Variants in CDADC1 observed in about 807,000 individuals in gnomAD.
CDADC1 encodes cytidine and dCMP deaminase domain containing 1.
Under a neutral mutation model 54.9 loss-of-function variants are expected in CDADC1, and 39 were observed. The observed-to-expected ratio is 0.71, with a 90% CI of 0.55 to 0.93. CDADC1 has a LOEUF of 0.93. Among genes scored for constraint, CDADC1 ranks in the 40% least tolerant of loss-of-function variants. The probability of loss-of-function intolerance (pLI) is 0.00; values close to 1 mark genes in which losing one functional copy is unlikely to be tolerated. For synonymous variants in CDADC1, 186 were observed against 204.0 expected (o/e 0.91, Z 0.75); for missense variants, 518 against 618.8 (o/e 0.84, Z 1.73).
chr13:49,258,872 T>A (rs1479047071), intron 3 of CDADC1, among the ~76,000 whole-genome samples: 1 of 152,246 alleles, frequency 6.6e-6, no homozygotes, highest in African/African-American at 2.4e-5. Context: ...GAATTTAAGA[T>A]GACCTCTGCT....
intron 6 of CDADC1, among the ~76,000 whole-genome samples, chr13:49,274,830 G>T (rs555211651): frequency 6.6e-6 from 1 of 152,274 alleles, no homozygotes; most frequent in East Asian, 1.9e-4. Context: ...GAATGCTGGG[G>T]ATTAAAGATC....
At chr13:49,256,493 G>T (rs9526533) in intron 3 of CDADC1, among the ~76,000 whole-genome samples, 4 of 152,064 alleles carry the variant, frequency 2.6e-5, no homozygotes, top group Non-Finnish European at 4.4e-5. Context: ...CATACTGACT[G>T]CTGTGCTGCA....
intron 5 of CDADC1, among the ~76,000 whole-genome samples, chr13:49,269,745 A>G (rs984842242): frequency 6.6e-6 from 1 of 152,236 alleles, no homozygotes; most frequent in African/African-American, 2.4e-5. Flanking sequence ...GGCGATGTGA[A>G]TCTGCTATTT....
At chr13:49,272,738 A>C (rs1041337238) in intron 5 of CDADC1, among the ~76,000 whole-genome samples, 21 of 150,404 alleles carry the variant, frequency 1.4e-4, no homozygotes, top group African/African-American at 5.1e-4. Context: ...ACTCACTGCA[A>C]CCTCCGCCTC....
rs1163125791 is a variant in CDADC1 at position 49,275,726 on chromosome 13, TAGAGAGAG to T, written c.1050+1449_1050+1456del. 7.3e-3 allele frequency among the ~76,000 whole-genome samples: 130 copies of T among 17,782 alleles called. 2 individuals carry two copies. The highest frequency in any genetic ancestry group is 0.011 in the East Asian group (6 of 564). 11.7% of individuals were successfully genotyped at this position (17,782 alleles called of 152,430 possible). Reference sequence around the variant, plus strand: ...ATATATATATATATATATATATATATAGAGAGAGAGAGAGAGAGAGAGAGAGAGAGAGA... The same window carrying T: ...ATATATATATATATATATATATATATAGAGAGAGAGAGAGAGAGAGAGAGA... On this transcript the variant is annotated intron_variant, in intron 6 of 9. Coordinates refer to ENST00000251108, the MANE Select transcript of CDADC1 (RefSeq NM_030911.4).
chr13:49,273,616 A>G (rs1481945798), intron 5 of CDADC1, among the ~76,000 whole-genome samples: 1 of 152,186 alleles, frequency 6.6e-6, no homozygotes, highest in Non-Finnish European at 1.5e-5. Context: ...AACTTCTGCT[A>G]TTTGATTTAG....
At chr13:49,275,720 TATATATAGAGAGAG>T (rs1953102860) in intron 6 of CDADC1, among the ~76,000 whole-genome samples, 9 of 26,150 alleles carry the variant, frequency 3.4e-4, no homozygotes, top group East Asian at 1.7e-3. Flanking sequence ...TATATATATA[TATATATAGAGAGAG>T]AGAGAGAGAG....
intron 2 of CDADC1, among the ~76,000 whole-genome samples, chr13:49,251,390 G>GA (rs1244541114): frequency 7.6e-4 from 82 of 108,248 alleles, no homozygotes; most frequent in African/African-American, 2.6e-3. Flanking sequence ...CCTGGCGACA[G>GA]AAAAAAAAAG....
At chr13:49,256,310 T>C (rs565843689) in intron 3 of CDADC1, among the ~76,000 whole-genome samples, 2 of 152,314 alleles carry the variant, frequency 1.3e-5, no homozygotes, top group South Asian at 4.1e-4. Flanking sequence ...GTTGAGGTAA[T>C]ATCTCCCTCC....
At chr13:49,288,514 T>G (rs930100003) in intron 9 of CDADC1, among the ~76,000 whole-genome samples, 3 of 152,252 alleles carry the variant, frequency 2.0e-5, no homozygotes, top group African/African-American at 7.2e-5. Flanking sequence ...TTTTTATGGA[T>G]TAGTCTATTC....
intron 2 of CDADC1, among the ~76,000 whole-genome samples, chr13:49,251,212 A>G (rs763361252): frequency 5.9e-5 from 9 of 152,106 alleles, no homozygotes; most frequent in Non-Finnish European, 1.2e-4. Flanking sequence ...GATCGAGACC[A>G]TCTTGGCCAA....
At chr13:49,275,701 A>G (rs1593833346) in intron 6 of CDADC1, among the ~76,000 whole-genome samples, 1 of 57,348 alleles carries the variant, frequency 1.7e-5, no homozygotes, top group African/African-American at 8.1e-5. Flanking sequence ...ATATATATAT[A>G]TATATATATA....
chr13:49,286,131 A>T, intron 8 of CDADC1, 91 bp from the exon 9 acceptor site: 1 of 1,078,232 alleles, frequency 9.3e-7, no homozygotes, highest in Non-Finnish European at 1.4e-6. Flanking sequence ...TTCCATTTTT[A>T]AGAAGTTGTT....
chr13:49,259,483 C>T lies in CDADC1; in HGVS notation c.390C>T (p.Ser130=), dbSNP rs370394327. ...SRLKNCDLYF[S]RKPCSACLKM... ...TGAAAAACTGTGATCTTTATTTTTC[C>T]AGAAAACCATGTTCTGCTTGTTTGA... Residue 130 remains serine (S), a synonymous_variant, in exon 4 of 10, where the codon TCC becomes TCT. Coordinates refer to ENST00000251108, the MANE Select transcript of CDADC1 (RefSeq NM_030911.4). 1 of 1,613,898 alleles carries T rather than the reference C, an allele frequency of 6.2e-7. No individual in the cohort carries two copies. Among genetic ancestry groups the T allele is most frequent in the Non-Finnish European group, 8.5e-7 (1 of 1,179,952 alleles).
chr13:49,291,576 G>A lies in CDADC1; in HGVS notation c.1472-108G>A, dbSNP rs1171079410. On this transcript the variant is annotated intron_variant, in intron 9 of 9. Transcript: ENST00000251108. ...AATTTGAAGATAAAATAAAGTGAAA[G>A]TTCCTTTAACTTAAGCATTGTTTTG... is the stretch of plus-strand genomic sequence containing the variant. 7 of 925,844 alleles carry A rather than the reference G, an allele frequency of 7.6e-6. No homozygotes were observed. The East Asian group carries it at 1.9e-4, about 25-fold the overall frequency. The allele number at this position is 925,844 out of a possible 1,614,324, so 57.4% of individuals were successfully genotyped here.
At chr13:49,255,989 G>A in intron 3 of CDADC1, 76 bp downstream of exon 3, 2 of 1,522,886 alleles carry the variant, frequency 1.3e-6, no homozygotes, top group East Asian at 2.4e-5. Flanking sequence ...GAATAAAAGT[G>A]CCTCCATTTC....
At chr13:49,272,322 G>A (rs1256609246) in intron 5 of CDADC1, among the ~76,000 whole-genome samples, 1 of 151,966 alleles carries the variant, frequency 6.6e-6, no homozygotes, top group Non-Finnish European at 1.5e-5. Flanking sequence ...TTAGAAATGA[G>A]CATAAAGCCA....
chr13:49,291,557 A>T, intron 9 of CDADC1, 127 bp from the exon 10 acceptor site: 1 of 773,728 alleles, frequency 1.3e-6, no homozygotes, highest in African/African-American at 1.7e-5. Flanking sequence ...TGAGAATTTG[A>T]AGATAAAATA....
intron 5 of CDADC1, among the ~76,000 whole-genome samples, chr13:49,268,566 A>G (rs1952883183): frequency 6.6e-6 from 1 of 152,110 alleles, no homozygotes; most frequent in Non-Finnish European, 1.5e-5. Context: ...TTGGGAGGCT[A>G]AAGCAGGAAG....
Sources: allele counts gnomAD v4.1 joint callset (sites outside exome capture counted in the v4.1 genomes callset), GRCh38; gene constraint gnomAD v4.1.1; transcripts MANE v1.5; gene names NCBI Gene and HGNC (gene_info 2026-07-23, HGNC 2026-07-21).